The following KIRREL1 variants were observed in gnomAD, a reference collection of about 807,000 sequenced individuals.
KIRREL1 encodes kirre like nephrin family adhesion molecule 1, also known as kin of IRRE-like protein 1.
Under a neutral mutation model 83.3 loss-of-function variants are expected in KIRREL1, and 25 were observed. The ratio of observed to expected loss-of-function variants is 0.30; its 90% CI spans 0.22 to 0.42. The LOEUF is 0.42. KIRREL1 is among the 10% of genes least tolerant of loss of function. KIRREL1 has a pLI of 1.00. For missense variants in KIRREL1, 812 were observed against 1,032.3 expected (o/e 0.79, Z 2.92); for synonymous variants, 388 against 410.4 (o/e 0.95, Z 0.66).
At chr1:158,054,152 G>A (rs1434784313) in intron 1 of KIRREL1, among the ~76,000 whole-genome samples, 1 of 145,774 alleles carries the variant, frequency 6.9e-6, no homozygotes, top group Non-Finnish European at 1.5e-5. Flanking sequence ...GGCGGGGTTT[G>A]CAGTGAGCTG....
At chr1:158,074,211 A>C (rs1661603748) in intron 1 of KIRREL1, among the ~76,000 whole-genome samples, 1 of 152,336 alleles carries the variant, frequency 6.6e-6, no homozygotes, top group East Asian at 1.9e-4. Context: ...TCAGGTCAGC[A>C]GACTTGAGGA....
chr1:158,034,403 A>G (rs1001033484), intron 1 of KIRREL1, among the ~76,000 whole-genome samples: 1 of 151,960 alleles, frequency 6.6e-6, no homozygotes, highest in Non-Finnish European at 1.5e-5. Flanking sequence ...AGTACTTGGC[A>G]TTCTTTATAT....
At chr1:158,033,534 TC>T in intron 1 of KIRREL1, among the ~76,000 whole-genome samples, 1 of 152,222 alleles carries the variant, frequency 6.6e-6, no homozygotes, top group Non-Finnish European at 1.5e-5. Context: ...TGCCTTCTCT[TC>T]CTTGCTTTGC....
chr1:158,054,865 T>C (rs1661009143), intron 1 of KIRREL1, among the ~76,000 whole-genome samples: 1 of 152,134 alleles, frequency 6.6e-6, no homozygotes, highest in South Asian at 2.1e-4. Context: ...GTTGAGACAA[T>C]AGAGCGACAG....
intron 1 of KIRREL1, among the ~76,000 whole-genome samples, chr1:158,035,336 T>C (rs190025673): frequency 3.7e-4 from 56 of 152,304 alleles, no homozygotes; most frequent in South Asian, 1.0e-3. Context: ...GCGACTGCCC[T>C]CATGGAGCCT....
chr1:158,038,003 A>C (rs538899860), intron 1 of KIRREL1, among the ~76,000 whole-genome samples: 1 of 152,344 alleles, frequency 6.6e-6, no homozygotes, highest in Admixed American at 6.5e-5. Flanking sequence ...TCGGGGCAGG[A>C]CCAGCCTGCC....
chr1:158,062,468 C>T (rs1661241471), intron 1 of KIRREL1, among the ~76,000 whole-genome samples: 1 of 152,234 alleles, frequency 6.6e-6, no homozygotes, highest in South Asian at 2.1e-4. Context: ...GTTGGAACTG[C>T]TTTTACTTTA....
intron 1 of KIRREL1, among the ~76,000 whole-genome samples, chr1:157,996,660 C>T (rs1245414601): frequency 1.3e-5 from 2 of 152,188 alleles, no homozygotes; most frequent in Non-Finnish European, 2.9e-5. Flanking sequence ...GGACTCTCCC[C>T]TTTCGGTGCT....
intron 1 of KIRREL1, among the ~76,000 whole-genome samples, chr1:158,005,962 C>T (rs1178850325): frequency 6.6e-6 from 1 of 152,136 alleles, no homozygotes; most frequent in East Asian, 1.9e-4. Flanking sequence ...GGAATCCTGT[C>T]CACTGGGGGA....
intron 1 of KIRREL1, among the ~76,000 whole-genome samples, chr1:158,034,896 CT>C (rs932106235): frequency 7.2e-5 from 11 of 152,010 alleles, no homozygotes; most frequent in Non-Finnish European, 1.5e-5. Context: ...TAAATGTGTA[CT>C]TTTTTTATTG....
intron 1 of KIRREL1, 36 bp downstream of exon 1, chr1:157,993,764 TC>T (rs1316201173): frequency 9.4e-6 from 13 of 1,387,032 alleles, no homozygotes; most frequent in Admixed American, 7.8e-5. Context: ...ACGCTCGGCT[TC>T]CCCCCGGGGC....
intron 1 of KIRREL1, among the ~76,000 whole-genome samples, chr1:158,024,041 G>A (rs1017400859): frequency 7.3e-5 from 11 of 151,620 alleles, no homozygotes; most frequent in Non-Finnish European, 7.4e-5. Context: ...TCTGCCTCCC[G>A]GGTTCAAGTG....
chr1:158,006,859 G>A (rs558094614), intron 1 of KIRREL1, among the ~76,000 whole-genome samples: 22 of 152,350 alleles, frequency 1.4e-4, no homozygotes, highest in African/African-American at 1.9e-4. Flanking sequence ...TGGCAGAGGT[G>A]GGCCTGCCTC....
At chr1:158,064,611 T>C (rs1661311818) in intron 1 of KIRREL1, among the ~76,000 whole-genome samples, 2 of 152,242 alleles carry the variant, frequency 1.3e-5, no homozygotes, top group African/African-American at 4.8e-5. Flanking sequence ...GCCTCTGCTA[T>C]GTGCTATTAG....
chr1:158,043,244 G>A (rs1229105702), intron 1 of KIRREL1, among the ~76,000 whole-genome samples: 1 of 152,216 alleles, frequency 6.6e-6, no homozygotes, highest in Non-Finnish European at 1.5e-5. Flanking sequence ...GGAAAAGAGA[G>A]TGGATGGAAA....
In KIRREL1 at chr1:158,088,731, G is replaced by A. The variant is rs981282551; in HGVS notation, c.1044+277G>A. 3.9e-5 allele frequency among the ~76,000 whole-genome samples: 6 copies of A among 151,982 alleles called. No individual in the cohort carries two copies. The South Asian group carries it at 6.3e-4, about 16-fold the overall frequency. On this transcript the variant is annotated intron_variant, in intron 8 of 14. Coordinates refer to ENST00000359209, the MANE Select transcript of KIRREL1 (RefSeq NM_018240.7). Reference sequence around the variant, plus strand: ...GATCTCCTGACCTCGTGATCCGCCCGCCTCGGCCTCCCAAAGTGCTGGGAT... The same window carrying A: ...GATCTCCTGACCTCGTGATCCGCCCACCTCGGCCTCCCAAAGTGCTGGGAT...
At chr1:158,058,883 C>G (rs999288128) in intron 1 of KIRREL1, among the ~76,000 whole-genome samples, 1 of 152,162 alleles carries the variant, frequency 6.6e-6, no homozygotes, top group Non-Finnish European at 1.5e-5. Context: ...GCGGCAAGAA[C>G]AGAACATAAT....
chr1:158,002,682 G>C (rs1004410568), intron 1 of KIRREL1, among the ~76,000 whole-genome samples: 1 of 152,180 alleles, frequency 6.6e-6, no homozygotes, highest in East Asian at 1.9e-4. Context: ...ATAAGATAAA[G>C]GTTGTGAGAG....
In KIRREL1 at chr1:158,007,619, G is replaced by A. The variant is rs372881505; in HGVS notation, c.52+13891G>A. 1.1e-4 allele frequency among the ~76,000 whole-genome samples: 17 copies of A among 152,158 alleles called. No homozygotes were observed. The East Asian group carries it at 1.2e-3, about 10-fold the overall frequency. On this transcript the variant is annotated intron_variant, in intron 1 of 14. Transcript: ENST00000359209. ...TAAGCCCTCTGAAGAAGAAGAGCTC[G>A]TGTGTCTGGGGGGAGAGTGCAGCAT...
Sources: allele counts gnomAD v4.1 joint callset (sites outside exome capture counted in the v4.1 genomes callset), GRCh38; gene constraint gnomAD v4.1.1; transcripts MANE v1.5; gene names NCBI Gene and HGNC (gene_info 2026-07-23, HGNC 2026-07-21).